Variants in DCHS2 observed in about 807,000 individuals in gnomAD.
DCHS2 encodes the protein protocadherin-23.
Under a neutral mutation model 182.4 loss-of-function variants are expected in DCHS2, and 142 were observed. The ratio of observed to expected loss-of-function variants is 0.78; its 90% CI spans 0.68 to 0.89. DCHS2 has a LOEUF of 0.89. Among genes scored for constraint, DCHS2 ranks in the 40% least tolerant of loss-of-function variants. DCHS2 has a pLI of 0.00. For synonymous variants in DCHS2, 1,740 were observed against 1,663.3 expected (o/e 1.05, Z -1.12); for missense variants, 4,319 against 4,198.6 (o/e 1.03, Z -0.79).
chr4:154,415,639 C>T (rs1005097933), intron 1 of DCHS2, among the ~76,000 whole-genome samples: 8 of 152,270 alleles, frequency 5.3e-5, no homozygotes, highest in African/African-American at 1.9e-4. Flanking sequence ...TAAGCCTGAC[C>T]TTGGGTACTG....
chr4:154,262,833 A>C lies in DCHS2; in HGVS notation c.6578-3077T>G, dbSNP rs899993186. 2.2e-4 allele frequency among the ~76,000 whole-genome samples: 33 copies of C among 152,340 alleles called. No homozygotes were observed. In the South Asian group the frequency reaches 3.3e-3, roughly 15 times the overall value. ...CAGTTTTGTTTTGCGCCACTCTAAT[A>C]AATACTAAAATGAATGCTGCCATCT... On this transcript the variant is annotated intron_variant, in intron 14 of 19. Transcript: ENST00000357232.
At chr4:154,450,736 G>A (rs1482139966) in intron 1 of DCHS2, among the ~76,000 whole-genome samples, 2 of 152,150 alleles carry the variant, frequency 1.3e-5, no homozygotes, top group African/African-American at 4.8e-5. Context: ...GGGAGGCTGA[G>A]GCAGTAGAAT....
intron 1 of DCHS2, among the ~76,000 whole-genome samples, chr4:154,388,097 A>G (rs1297608296): frequency 3.3e-5 from 5 of 152,094 alleles, no homozygotes; most frequent in Admixed American, 1.3e-4. Context: ...AAAAATATTC[A>G]TCTCCTTTGA....
intron 1 of DCHS2, among the ~76,000 whole-genome samples, chr4:154,468,577 A>G (rs1446743743): frequency 3.9e-5 from 6 of 152,150 alleles, no homozygotes; most frequent in Non-Finnish European, 8.8e-5. Context: ...TATCATGTTA[A>G]TTTATGTTAT....
intron 13 of DCHS2, chr4:154,284,615 C>G (rs1242156653): frequency 6.6e-6 from 1 of 152,324 alleles, no homozygotes; most frequent in Non-Finnish European, 1.5e-5. Context: ...TTGTGGGACT[C>G]TGCATTGGAA....
intron 1 of DCHS2, among the ~76,000 whole-genome samples, chr4:154,405,467 TA>T (rs1171702149): frequency 2.0e-5 from 3 of 151,200 alleles, no homozygotes; most frequent in African/African-American, 4.8e-5. Flanking sequence ...TATATATATA[TA>T]TATTTTCATT....
intron 13 of DCHS2, among the ~76,000 whole-genome samples, chr4:154,277,956 G>A (rs975981574): frequency 2.0e-5 from 3 of 151,528 alleles, no homozygotes; most frequent in East Asian, 2.0e-4. Flanking sequence ...CAGGAGAATC[G>A]CTGGAACGCA....
At chr4:154,377,525 T>A in intron 1 of DCHS2, 81 bp from the exon 2 acceptor site, 1 of 1,176,184 alleles carries the variant, frequency 8.5e-7, no homozygotes, top group Non-Finnish European at 1.2e-6. Flanking sequence ...TAAAACAATT[T>A]GCACAACCAC....
chr4:154,443,309 G>A (rs953239983), intron 1 of DCHS2, among the ~76,000 whole-genome samples: 8 of 152,132 alleles, frequency 5.3e-5, no homozygotes, highest in East Asian at 1.9e-4. Context: ...AGTGACAATC[G>A]AAGCTACCTG....
chr4:154,315,610 A>G, intron 10 of DCHS2, 138 bp downstream of exon 10: 6 of 1,310,108 alleles, frequency 4.6e-6, no homozygotes, highest in Non-Finnish European at 5.1e-6. Flanking sequence ...TGTGGATGCA[A>G]ATGAAAGAAG....
chr4:154,373,988 G>T, intron 2 of DCHS2: 3 of 1,384,556 alleles, frequency 2.2e-6, no homozygotes, highest in South Asian at 1.3e-5. Context: ...TTTTGGAGGT[G>T]GATATTTTAA....
At chr4:154,421,231 T>C (rs1350134868) in intron 1 of DCHS2, among the ~76,000 whole-genome samples, 1 of 152,172 alleles carries the variant, frequency 6.6e-6, no homozygotes, top group Admixed American at 6.5e-5. Context: ...ATCCTAGTTG[T>C]AGCATATTGC....
intron 3 of DCHS2, among the ~76,000 whole-genome samples, chr4:154,344,714 T>C (rs1211725645): frequency 6.6e-6 from 1 of 152,154 alleles, no homozygotes; most frequent in East Asian, 1.9e-4. Flanking sequence ...AGCCATGGTG[T>C]GTCTTGGAGC....
chr4:154,311,233 C>T (rs1018337730), intron 10 of DCHS2, among the ~76,000 whole-genome samples: 2 of 151,898 alleles, frequency 1.3e-5, no homozygotes, highest in Non-Finnish European at 1.5e-5. Context: ...GATCATTTTT[C>T]TTTTCTTTTC....
At chr4:154,353,265 A>G (rs1352995624) in intron 3 of DCHS2, among the ~76,000 whole-genome samples, 1 of 152,178 alleles carries the variant, frequency 6.6e-6, no homozygotes, top group East Asian at 1.9e-4. Flanking sequence ...GATTCAAAGA[A>G]TTCCTCAGAT....
intron 1 of DCHS2, among the ~76,000 whole-genome samples, chr4:154,480,607 T>C (rs1735882452): frequency 1.3e-5 from 2 of 152,314 alleles, no homozygotes; most frequent in Admixed American, 6.5e-5. Flanking sequence ...ATCAACAGTG[T>C]CATCAAAGCA....
At position 154,315,791 on chromosome 4, in the gene DCHS2, T is replaced by A. The variant is rs1435561706; in HGVS notation, c.5217A>T (p.Pro1739=). 2 of 1,613,956 alleles carry A rather than the reference T, an allele frequency of 1.2e-6. No homozygotes were observed. Among genetic ancestry groups the A allele is most frequent in the Non-Finnish European group, 8.5e-7 (1 of 1,179,972 alleles). The change falls in exon 10 of 20, where the codon CCA becomes CCT. Residue 1739 remains proline (P), a synonymous_variant. Coordinates refer to ENST00000357232, the MANE Select transcript of DCHS2 (RefSeq NM_001358235.2). ...CTTCAACCCTGGTAACAAACTCCCC[T>A]GGATTTTGGTTTTCTTTCACTGAGG... is the stretch of plus-strand genomic sequence containing the variant. The part of the protein sequence containing the change: ...YEASVKENQN[P]GEFVTRVEAL...
At position 154,333,237 on chromosome 4, in the gene DCHS2, T is replaced by C. The variant is rs1728573581; in HGVS notation, c.2971A>G (p.Thr991Ala). ...TACAAGGCTGTGCCAGGGGGCGTGG[T>C]CTGGGATATTCTAATCTCATCCGAG... ...RTSDEIRISQ[T>A]TPPGTALYLA... Residue 991 changes from threonine to alanine, a missense_variant, in exon 5 of 20, where the codon ACC (threonine) becomes GCC (alanine). Physicochemically the swap from Thr to Ala is moderately conservative, Grantham distance 58. Transcript: ENST00000357232. 6.2e-7 allele frequency: 1 copy of C among 1,614,184 alleles called. No homozygotes were observed. The highest frequency in any genetic ancestry group is 1.1e-5 in the South Asian group (1 of 91,084).
At chr4:154,390,502 T>TCACA (rs377605285) in intron 1 of DCHS2, among the ~76,000 whole-genome samples, 4 of 148,238 alleles carry the variant, frequency 2.7e-5, no homozygotes, top group South Asian at 2.1e-4. Flanking sequence ...ACTAAGTCAT[T>TCACA]CACACACACA....
Sources: gnomAD v4.1 joint callset for allele counts (sites outside exome capture counted in the v4.1 genomes callset) on GRCh38, gnomAD v4.1.1 for gene constraint, MANE v1.5 for transcripts, NCBI Gene and HGNC (gene_info 2026-07-23, HGNC 2026-07-21) for gene names.